Variants in CTNND2 observed in about 807,000 individuals in gnomAD.
The protein encoded by CTNND2 is catenin delta-2.
In CTNND2, 22 loss-of-function variants were observed where a neutral mutation model predicts 144.4. The ratio of observed to expected loss-of-function variants is 0.15; its 90% CI spans 0.11 to 0.22. The LOEUF (loss-of-function observed/expected upper bound fraction) is 0.22, where lower values mean the gene tolerates loss of function less well. CTNND2 is among the 10% of genes least tolerant of loss of function. The pLI, the probability that CTNND2 is intolerant of heterozygous loss-of-function variation, is 1.00. For synonymous variants in CTNND2, 751 were observed against 695.6 expected, an observed-to-expected ratio of 1.08 and a Z score of -1.25; for missense variants, 1,353 against 1,618.8, an observed-to-expected ratio of 0.84 and a Z score of 2.82.
intron 5 of CTNND2, among the ~76,000 whole-genome samples, chr5:11,408,683 T>C (rs188449479): frequency 1.1e-4 from 17 of 152,234 alleles, no homozygotes; most frequent in African/African-American, 4.1e-4. Flanking sequence ...TTACCAAATA[T>C]ATGTGGAAAG....
intron 18 of CTNND2, among the ~76,000 whole-genome samples, chr5:10,994,603 T>C (rs76380410): frequency 1.9e-3 from 290 of 152,066 alleles, no homozygotes; most frequent in African/African-American, 6.1e-3. Context: ...CAGATGACAA[T>C]TGAACCAGAC....
Position 11,779,972 on chromosome 5 carries a change from A to C in CTNND2, c.38-47700T>G, listed in dbSNP as rs545455548. Among the ~76,000 whole-genome samples, 3 of 152,078 alleles carry C rather than the reference A, an allele frequency of 2.0e-5. No individual in the cohort carries two copies. In the East Asian group the frequency reaches 5.8e-4, roughly 30 times the overall value. On this transcript the variant is annotated intron_variant, in intron 1 of 21. Coordinates refer to ENST00000304623, the MANE Select transcript of CTNND2 (RefSeq NM_001332.4). ...CTCTTCTCTCTTTTATCCCACTAGG[A>C]TTGGGGGAAGGACAAGAGGAAGATA...
intron 9 of CTNND2, among the ~76,000 whole-genome samples, chr5:11,319,259 C>A (rs1167812196): frequency 6.6e-6 from 1 of 152,068 alleles, no homozygotes; most frequent in Non-Finnish European, 1.5e-5. Flanking sequence ...AGAAACTGTG[C>A]CTGTTTTCCA....
rs199747536 is a variant in CTNND2 at position 11,757,202 on chromosome 5, CAT to C, written c.38-24932_38-24931del. ...ATACACACATATACACACACACACA[CAT>C]AACAAAAATGTGATGATGCTATATA... is the stretch of plus-strand genomic sequence containing the variant. On this transcript the variant is annotated intron_variant, in intron 1 of 21. Transcript: ENST00000304623. Among the ~76,000 whole-genome samples, 1,237 of 151,514 alleles carry C rather than the reference CAT, an allele frequency of 8.2e-3. 10 individuals are homozygous for C. Among genetic ancestry groups the C allele is most frequent in the Non-Finnish European group, 0.01 (700 of 67,652 alleles).
At chr5:11,634,604 T>C (rs1561641617) in intron 2 of CTNND2, among the ~76,000 whole-genome samples, 2 of 152,166 alleles carry the variant, frequency 1.3e-5, no homozygotes, top group Non-Finnish European at 2.9e-5. Flanking sequence ...GAAAGTCAGA[T>C]CAGGAAAGTT....
rs1374260117 is a variant in CTNND2 at position 11,199,481 on chromosome 5, T to A, written c.1942A>T (p.Thr648Ser). Reference protein sequence around the residue: ...IPALVRLLRKTTDLEIRELVT... With the variant: ...IPALVRLLRKSTDLEIRELVT... The stretch of plus-strand genomic sequence containing the variant: ...AGCTCCCGGATCTCCAGGTCAGTCG[T>A]CTTGCGGAGTAACCTCACCAGTGCT... The change falls in exon 11 of 22, where the codon ACG (threonine) becomes TCG (serine). Residue 648 changes from threonine (T) to serine (S), a missense_variant. Thr to Ser is a moderately conservative substitution (Grantham distance 58). Around this residue, in one of 4 missense-constraint regions of CTNND2, gnomAD observed 117 missense variants for 117.8 expected, o/e 0.99. Coordinates refer to ENST00000304623, the MANE Select transcript of CTNND2 (RefSeq NM_001332.4). 1 of 1,614,238 alleles carries A rather than the reference T, an allele frequency of 6.2e-7. No homozygotes were observed. Among genetic ancestry groups the A allele is most frequent in the South Asian group, 1.1e-5 (1 of 91,086 alleles).
intron 1 of CTNND2, among the ~76,000 whole-genome samples, chr5:11,869,203 T>C (rs1795911448): frequency 6.6e-6 from 1 of 152,180 alleles, no homozygotes; most frequent in South Asian, 2.1e-4. Flanking sequence ...AATTGCCATA[T>C]GATGCACCAA....
At chr5:11,580,682 A>G (rs1423612450) in intron 2 of CTNND2, among the ~76,000 whole-genome samples, 1 of 152,218 alleles carries the variant, frequency 6.6e-6, no homozygotes, top group African/African-American at 2.4e-5. Flanking sequence ...CAACAAAAGC[A>G]GTTCAAACCC....
intron 2 of CTNND2, among the ~76,000 whole-genome samples, chr5:11,619,573 G>A (rs1780739015): frequency 6.6e-6 from 1 of 152,094 alleles, no homozygotes; most frequent in Non-Finnish European, 1.5e-5. Flanking sequence ...CTGTTGATCA[G>A]AAGCCATATG....
chr5:11,287,950 T>G (rs2150009175), intron 9 of CTNND2, among the ~76,000 whole-genome samples: 1 of 152,354 alleles, frequency 6.6e-6, no homozygotes, highest in Non-Finnish European at 1.5e-5. Flanking sequence ...TTTATTTTTA[T>G]TTTGTAACAG....
intron 1 of CTNND2, among the ~76,000 whole-genome samples, chr5:11,839,220 AG>A (rs2126979128): frequency 6.6e-6 from 1 of 152,136 alleles, no homozygotes; most frequent in South Asian, 2.1e-4. Flanking sequence ...TTGGTGATCT[AG>A]TATCTAATTA....
At chr5:11,455,874 T>C (rs1179283594) in intron 3 of CTNND2, among the ~76,000 whole-genome samples, 1 of 152,206 alleles carries the variant, frequency 6.6e-6, no homozygotes, top group African/African-American at 2.4e-5. Flanking sequence ...TCAGGCGCCT[T>C]TGAGAAATAA....
intron 9 of CTNND2, among the ~76,000 whole-genome samples, chr5:11,303,796 C>T (rs26001): frequency 0.47 from 71,892 of 151,848 alleles, 17,116 homozygotes; most frequent in South Asian, 0.53. Context: ...ATGAAGATAA[C>T]GTTGATATGG....
In CTNND2 at chr5:11,384,429, G is replaced by A; in HGVS notation, c.1177+236C>T. On this transcript the variant is annotated intron_variant, in intron 7 of 21. Coordinates refer to ENST00000304623, the MANE Select transcript of CTNND2 (RefSeq NM_001332.4). This position sits in a 1 kb window ranked among gnomAD's most constrained non-coding sequence, Gnocchi z 5.2. ...CAGAGAGAGAAGAGAGGAGAGAAGAGAGTGATATAGGTGTTAGAGATTGAG... is the reference window on the plus strand; with the variant it reads ...CAGAGAGAGAAGAGAGGAGAGAAGAAAGTGATATAGGTGTTAGAGATTGAG... 1 of 554,782 alleles carries A rather than the reference G, an allele frequency of 1.8e-6. No individual in the cohort carries two copies. Among genetic ancestry groups the A allele is most frequent in the Non-Finnish European group, 3.2e-6 (1 of 315,012 alleles). 34.4% of individuals were successfully genotyped at this position (554,782 alleles called of 1,614,324 possible). A position where few individuals can be genotyped will look rare whatever the true frequency, so the allele number is the denominator to read the frequency against.
chr5:11,238,111 G>C (rs565542505), intron 9 of CTNND2, among the ~76,000 whole-genome samples: 2 of 152,108 alleles, frequency 1.3e-5, no homozygotes, highest in Admixed American at 1.3e-4. Context: ...TGATTGTACT[G>C]TCATACAAAG....
chr5:11,280,773 GCC>G (rs1221276205), intron 9 of CTNND2, among the ~76,000 whole-genome samples: 2 of 152,084 alleles, frequency 1.3e-5, no homozygotes, highest in Non-Finnish European at 2.9e-5. Context: ...TGTCCTGTGG[GCC>G]TCTTCCTTCC....
At chr5:11,532,688 T>G (rs967494547) in intron 3 of CTNND2, among the ~76,000 whole-genome samples, 7 of 152,190 alleles carry the variant, frequency 4.6e-5, no homozygotes, top group Non-Finnish European at 1.0e-4. Context: ...TTCAAATTAT[T>G]TCTATAGGTT....
At chr5:11,838,420 C>T (rs1001724265) in intron 1 of CTNND2, among the ~76,000 whole-genome samples, 1 of 152,146 alleles carries the variant, frequency 6.6e-6, no homozygotes, top group Non-Finnish European at 1.5e-5. Context: ...AAACTTCGGG[C>T]AATCTGACAA....
intron 1 of CTNND2, among the ~76,000 whole-genome samples, chr5:11,864,516 C>T (rs1795649862): frequency 6.6e-6 from 1 of 152,182 alleles, no homozygotes; most frequent in Admixed American, 6.5e-5. Context: ...TTACTGGTCC[C>T]AGCACCTGGC....
Sources: gnomAD v4.1 joint callset for allele counts (sites outside exome capture counted in the v4.1 genomes callset) on GRCh38, gnomAD v4.1.1 for gene constraint, gnomAD v4.1.1 regional missense constraint, Gnocchi (gnomAD v3.1) non-coding constraint, MANE v1.5 for transcripts, NCBI Gene and HGNC (gene_info 2026-07-23, HGNC 2026-07-21) for gene names.